TTC39C: variants seen among roughly 807,000 people sequenced by gnomAD.
The protein encoded by TTC39C is tetratricopeptide repeat domain 39C.
Under a neutral mutation model 76.3 loss-of-function variants are expected in TTC39C, and 33 were observed. The observed-to-expected ratio is 0.43, with a 90% CI of 0.33 to 0.58. The LOEUF is 0.58. Ranked by LOEUF, TTC39C falls within the 20% of genes least tolerant of loss-of-function variation. The probability of loss-of-function intolerance (pLI) is 0.04; values close to 1 mark genes in which losing one functional copy is unlikely to be tolerated. For missense variants in TTC39C, 595 were observed against 701.4 expected (o/e 0.85, Z 1.71); for synonymous variants, 254 against 260.6 (o/e 0.97, Z 0.24).
At position 24,061,239 on chromosome 18, in the gene TTC39C, TAA is replaced by T. The variant is rs61658056; in HGVS notation, c.168-2895_168-2894del. Among the ~76,000 whole-genome samples the T allele has an allele frequency of 3.8e-3, 564 of 150,372 alleles. 9 individuals are homozygous for T. The East Asian group carries it at 0.044, about 12-fold the overall frequency. On this transcript the variant is annotated intron_variant, in intron 1 of 13. Coordinates refer to ENST00000317571, the MANE Select transcript of TTC39C (RefSeq NM_001135993.2). ...ATATTTAGTCTTCTTTTTTTTTTTT[TAA>T]AAAAATAGGTTTTTCACTATGGTTT...
At chr18:24,069,647 C>T (rs1348706740) in intron 4 of TTC39C, among the ~76,000 whole-genome samples, 2 of 152,092 alleles carry the variant, frequency 1.3e-5, no homozygotes, top group Non-Finnish European at 2.9e-5. Context: ...GTTATTAAGG[C>T]CTGAGTGGCT....
At chr18:24,046,321 A>G (rs1214508500) in intron 1 of TTC39C, among the ~76,000 whole-genome samples, 3 of 151,646 alleles carry the variant, frequency 2.0e-5, no homozygotes, top group Non-Finnish European at 4.4e-5. Context: ...TACAGTAACT[A>G]GTTTATTGTA....
At position 24,069,225 on chromosome 18, in the gene TTC39C, C is replaced by T; in HGVS notation, c.414C>T (p.Cys138=). The T allele has an allele frequency of 6.2e-7, 1 of 1,614,030 alleles. No homozygotes were observed. The highest frequency in any genetic ancestry group is 8.5e-7 in the Non-Finnish European group (1 of 1,179,892). ...AGAGGCAGATAATCATAGCTGACTG[C>T]CAGGTTTACCTGGCTGTGCTTTCAT... ...RLQRQIIIAD[C]QVYLAVLSFV... is the part of the protein sequence containing the mutation. The change falls in exon 4 of 14, where the codon TGC becomes TGT. Residue 138 remains cysteine (C), a synonymous_variant. Coordinates refer to ENST00000317571, the MANE Select transcript of TTC39C (RefSeq NM_001135993.2).
chr18:24,083,687 G>A (rs901700784), intron 6 of TTC39C, among the ~76,000 whole-genome samples: 1 of 152,184 alleles, frequency 6.6e-6, no homozygotes, highest in Admixed American at 6.5e-5. Flanking sequence ...GCAACTTCCT[G>A]TGCTTGCCCA....
chr18:24,000,328 A>C (rs1006144711), intron 1 of TTC39C: 7 of 152,360 alleles, frequency 4.6e-5, no homozygotes, highest in South Asian at 2.1e-4. Context: ...GAAATTGGAC[A>C]TAGAGAAATG....
At chr18:24,129,074 C>T (rs550110807) in intron 11 of TTC39C, 91 bp downstream of exon 11, 83 of 905,926 alleles carry the variant, frequency 9.2e-5, no homozygotes, top group African/African-American at 7.2e-4. Flanking sequence ...AAGCACTGAA[C>T]GAAACCGAAC....
intron 1 of TTC39C, among the ~76,000 whole-genome samples, chr18:24,049,441 T>C (rs2083922661): frequency 6.6e-6 from 1 of 152,226 alleles, no homozygotes; most frequent in South Asian, 2.1e-4. Context: ...TCTGTTCATT[T>C]GCTTCTCAGG....
intron 6 of TTC39C, among the ~76,000 whole-genome samples, chr18:24,109,779 C>T (rs752285597): frequency 5.3e-5 from 8 of 151,918 alleles, no homozygotes; most frequent in African/African-American, 1.7e-4. Context: ...CTGAGGGAGG[C>T]GGATCACTTG....
At chr18:24,061,073 AT>A (rs2084092807) in intron 1 of TTC39C, among the ~76,000 whole-genome samples, 1 of 152,122 alleles carries the variant, frequency 6.6e-6, no homozygotes, top group Non-Finnish European at 1.5e-5. Flanking sequence ...CCAAAATGAA[AT>A]CTATAAAACA....
intron 4 of TTC39C, among the ~76,000 whole-genome samples, chr18:24,079,825 AG>A (rs1442840930): frequency 7.3e-6 from 1 of 137,634 alleles, no homozygotes; most frequent in East Asian, 2.1e-4. Context: ...TTTTTGAGAC[AG>A]GATCTCACTC....
rs371094201 is a variant in TTC39C, at chr18:24,031,830, C to A, written c.167+16792C>A. Among the ~76,000 whole-genome samples, 8 of 152,268 alleles carry A rather than the reference C, an allele frequency of 5.3e-5. No homozygotes were observed. The East Asian group carries it at 5.8e-4, about 11-fold the overall frequency. On this transcript the variant is annotated intron_variant, in intron 1 of 13. Coordinates refer to ENST00000317571, the MANE Select transcript of TTC39C (RefSeq NM_001135993.2). The stretch of plus-strand genomic sequence containing the variant: ...ATCTACTTCCTAATCTCTAGAATCT[C>A]TCAGTGCTACCTTGTAAGGAAAAGA...
chr18:24,129,009 A>G (rs1226652196), intron 11 of TTC39C, 26 bp downstream of exon 11: 4 of 1,588,752 alleles, frequency 2.5e-6, no homozygotes, highest in Non-Finnish European at 3.4e-6. Flanking sequence ...TGTCAGGGCT[A>G]AAGAAAATAA....
intron 1 of TTC39C, among the ~76,000 whole-genome samples, chr18:24,038,444 G>A (rs77274006): frequency 2.0e-5 from 3 of 151,958 alleles, no homozygotes; most frequent in Non-Finnish European, 4.4e-5. Flanking sequence ...CACCATGCCC[G>A]GCTAATTTTT....
At chr18:24,082,023 T>C (rs1013891168) in intron 5 of TTC39C, among the ~76,000 whole-genome samples, 40 of 149,072 alleles carry the variant, frequency 2.7e-4, no homozygotes, top group Non-Finnish European at 5.1e-4. Context: ...TTGTTTTTTT[T>C]TTTTTTTTTT....
intron 3 of TTC39C, among the ~76,000 whole-genome samples, chr18:24,068,733 G>T (rs149298497): frequency 3.9e-4 from 59 of 152,264 alleles, no homozygotes; most frequent in African/African-American, 1.4e-3. Context: ...CGAAAAGAAT[G>T]CCCCTAATGT....
At chr18:24,003,207 C>T (rs2083327272) in intron 1 of TTC39C, among the ~76,000 whole-genome samples, 1 of 152,198 alleles carries the variant, frequency 6.6e-6, no homozygotes. Flanking sequence ...TGCTCCTCTG[C>T]CTGGAATCCA....
intron 6 of TTC39C, among the ~76,000 whole-genome samples, chr18:24,091,101 C>G (rs971779389): frequency 3.9e-5 from 6 of 152,188 alleles, no homozygotes; most frequent in Non-Finnish European, 8.8e-5. Flanking sequence ...GCCGCCACGC[C>G]CGGCCTTATG....
chr18:24,023,960 A>C (rs55943808), intron 1 of TTC39C, among the ~76,000 whole-genome samples: 4,204 of 17,618 alleles, frequency 0.24, 284 homozygotes, highest in East Asian at 0.44. Flanking sequence ...GTATATATAT[A>C]TATATATATA....
intron 3 of TTC39C, 147 bp downstream of exon 3, chr18:24,066,287 T>C: frequency 9.3e-7 from 1 of 1,078,420 alleles, no homozygotes; most frequent in Non-Finnish European, 1.3e-6. Flanking sequence ...TTTGGTTATA[T>C]AAAATGTTAT....
Sources: gnomAD v4.1 joint callset for allele counts (sites outside exome capture counted in the v4.1 genomes callset) on GRCh38, gnomAD v4.1.1 for gene constraint, MANE v1.5 for transcripts, NCBI Gene and HGNC (gene_info 2026-07-23, HGNC 2026-07-21) for gene names.